Variants in EXOC6B observed in about 807,000 individuals in gnomAD.
EXOC6B encodes SEC15 homolog B.
Under a neutral mutation model 113.5 loss-of-function variants are expected in EXOC6B, and 54 were observed. The ratio of observed to expected loss-of-function variants is 0.48; its 90% CI spans 0.38 to 0.60. The LOEUF (loss-of-function observed/expected upper bound fraction) is 0.60. Ranked by LOEUF, EXOC6B falls within the 20% of genes least tolerant of loss-of-function variation. EXOC6B has a pLI of 0.00. For synonymous variants in EXOC6B, 357 were observed against 339.0 expected, an observed-to-expected ratio of 1.05 and a Z score of -0.58; for missense variants, 797 against 977.5, an observed-to-expected ratio of 0.82 and a Z score of 2.46.
At chr2:72,606,328 T>C (rs939702484) in intron 6 of EXOC6B, among the ~76,000 whole-genome samples, 9 of 152,124 alleles carry the variant, frequency 5.9e-5, no homozygotes, top group South Asian at 2.1e-4. Flanking sequence ...TATATACATA[T>C]GCCATAAGTT....
chr2:72,544,728 C>T (rs1374374125), intron 8 of EXOC6B, among the ~76,000 whole-genome samples: 1 of 152,110 alleles, frequency 6.6e-6, no homozygotes, highest in Non-Finnish European at 1.5e-5. Flanking sequence ...CCTACAAATA[C>T]AGCTCCAGAA....
intron 1 of EXOC6B, among the ~76,000 whole-genome samples, chr2:72,743,116 A>G (rs186440566): frequency 1.2e-4 from 18 of 152,232 alleles, no homozygotes; most frequent in South Asian, 2.1e-4. Flanking sequence ...CAATACATTA[A>G]TAAGTCCTGA....
chr2:72,339,859 C>T (rs1450862079), intron 19 of EXOC6B, among the ~76,000 whole-genome samples: 1 of 152,122 alleles, frequency 6.6e-6, no homozygotes, highest in Non-Finnish European at 1.5e-5. Context: ...CACTAATATA[C>T]TTTACTTGCC....
rs1342138679 is a variant in EXOC6B, at chr2:72,176,264, A to G, written c.*3071T>C. 1.3e-5 allele frequency: 2 copies of G among 149,466 alleles called. No homozygotes were observed. Among genetic ancestry groups the G allele is most frequent in the African/African-American group, 4.9e-5 (2 of 40,762 alleles). The allele number at this position is 149,466 out of a possible 1,614,324, so 9.3% of individuals were successfully genotyped here. A position where few individuals can be genotyped will look rare whatever the true frequency, so the allele number is the denominator to read the frequency against. ...AAGTAATTGTGAATGCAGGCAAAAA[A>G]AAAAAAAACAAAAAGGAAGAAGAAG... On this transcript the variant is annotated 3_prime_UTR_variant, in exon 22 of 22. Transcript: ENST00000272427.
intron 1 of EXOC6B, among the ~76,000 whole-genome samples, chr2:72,743,047 C>T (rs1681430390): frequency 6.6e-6 from 1 of 152,208 alleles, no homozygotes. Flanking sequence ...TATACAATTG[C>T]CCAAGCCAAA....
At chr2:72,322,119 A>C (rs1687874462) in intron 20 of EXOC6B, among the ~76,000 whole-genome samples, 1 of 152,208 alleles carries the variant, frequency 6.6e-6, no homozygotes, top group South Asian at 2.1e-4. Flanking sequence ...ACAGTTGTAC[A>C]TGAATGTTCA....
intron 20 of EXOC6B, among the ~76,000 whole-genome samples, chr2:72,292,541 G>A (rs1023527142): frequency 2.6e-5 from 4 of 151,852 alleles, no homozygotes; most frequent in African/African-American, 9.7e-5. Flanking sequence ...CGCTTTGTGT[G>A]TGTGTGTGTG....
At chr2:72,655,916 T>A (rs1463033867) in intron 6 of EXOC6B, among the ~76,000 whole-genome samples, 1 of 152,088 alleles carries the variant, frequency 6.6e-6, no homozygotes, top group African/African-American at 2.4e-5. Flanking sequence ...ATAAATGAAG[T>A]TACAGACCAT....
rs185379982 is a variant in EXOC6B, at chr2:72,539,870, A to G, written c.915+19583T>C. Reference sequence around the variant, plus strand: ...GTGCAGGTTAGTTACATATGTATACATGTGCCATGCTGGTGTGCTGCACCC... The same window carrying G: ...GTGCAGGTTAGTTACATATGTATACGTGTGCCATGCTGGTGTGCTGCACCC... On this transcript the variant is annotated intron_variant, in intron 8 of 21. Coordinates refer to ENST00000272427, the MANE Select transcript of EXOC6B (RefSeq NM_015189.3). Among the ~76,000 whole-genome samples, 1,204 of 151,766 alleles carry G rather than the reference A, an allele frequency of 7.9e-3. 12 individuals are homozygous for G. The highest frequency in any genetic ancestry group is 0.011 in the Non-Finnish European group (745 of 67,896).
rs183007625 is a variant in EXOC6B at position 72,230,202 on chromosome 2, C to A, written c.2197-46015G>T. Reference sequence around the variant, plus strand: ...TCACTAAAATTTAACTCCGCGTGTCCCAAATTTATTTACTATGGAACTCCT... The same window carrying A: ...TCACTAAAATTTAACTCCGCGTGTCACAAATTTATTTACTATGGAACTCCT... On this transcript the variant is annotated intron_variant, in intron 20 of 21. Coordinates refer to ENST00000272427, the MANE Select transcript of EXOC6B (RefSeq NM_015189.3). Among the ~76,000 whole-genome samples, 120 of 152,126 alleles carry A rather than the reference C, an allele frequency of 7.9e-4. 1 individual carries two copies. Among genetic ancestry groups the A allele is most frequent in the Non-Finnish European group, 2.1e-4 (14 of 67,984 alleles).
chr2:72,398,469 G>C (rs1003401277), intron 18 of EXOC6B, among the ~76,000 whole-genome samples: 6 of 152,060 alleles, frequency 3.9e-5, no homozygotes, highest in Non-Finnish European at 8.8e-5. Context: ...GGCCAAGGCA[G>C]GTGGATCACT....
In EXOC6B at chr2:72,310,450, C is replaced by G. The variant is rs773301494; in HGVS notation, c.2196+24497G>C. On this transcript the variant is annotated intron_variant, in intron 20 of 21. Transcript: ENST00000272427. ...TTGCATGCTTTCCTTGAAGAAATGTCTATTCAAATCCCTTGCCTTTATTTA... is the reference window on the plus strand; with the variant it reads ...TTGCATGCTTTCCTTGAAGAAATGTGTATTCAAATCCCTTGCCTTTATTTA... 2.1e-4 allele frequency among the ~76,000 whole-genome samples: 32 copies of G among 152,094 alleles called. 1 individual carries two copies. The highest frequency in any genetic ancestry group is 4.1e-4 in the Non-Finnish European group (28 of 67,994).
chr2:72,552,724 T>C lies in EXOC6B; in HGVS notation c.915+6729A>G, dbSNP rs1006375715. On this transcript the variant is annotated intron_variant, in intron 8 of 21. Transcript: ENST00000272427. ...GTTTATCTAATAAACACAAGGATAT[T>C]AATATCAAAAAAAATCTATCAATGA... 2.6e-5 allele frequency among the ~76,000 whole-genome samples: 4 copies of C among 152,072 alleles called. No individual in the cohort carries two copies. In the South Asian group the frequency reaches 8.3e-4, roughly 32 times the overall value.
At chr2:72,464,894 T>A in intron 18 of EXOC6B, 1 of 467,180 alleles carries the variant, frequency 2.1e-6, no homozygotes, top group Non-Finnish European at 3.7e-6. Context: ...TTTTATATTG[T>A]CTTTGTACTA....
intron 6 of EXOC6B, among the ~76,000 whole-genome samples, chr2:72,654,507 T>C (rs921458180): frequency 6.6e-6 from 1 of 152,200 alleles, no homozygotes; most frequent in African/African-American, 2.4e-5. Flanking sequence ...TCAAAACTGA[T>C]GTGTAGAGTT....
chr2:72,682,027 ATCTCTCTC>A (rs112745780), intron 6 of EXOC6B, among the ~76,000 whole-genome samples: 1 of 148,258 alleles, frequency 6.7e-6, no homozygotes, highest in Non-Finnish European at 1.5e-5. Context: ...AACTAATACA[ATCTCTCTC>A]TCTCTCTCTC....
At chr2:72,616,031 A>G (rs1449127234) in intron 6 of EXOC6B, among the ~76,000 whole-genome samples, 1 of 152,190 alleles carries the variant, frequency 6.6e-6, no homozygotes, top group Non-Finnish European at 1.5e-5. Flanking sequence ...TTATAAAATA[A>G]GCATATAAAA....
chr2:72,457,014 A>G (rs889173320), intron 18 of EXOC6B, among the ~76,000 whole-genome samples: 177 of 136,660 alleles, frequency 1.3e-3, no homozygotes, highest in African/African-American at 4.5e-3. Flanking sequence ...ATGGGGGGGA[A>G]AAAAAAAAAA....
At chr2:72,745,115 A>C (rs1317573214) in intron 1 of EXOC6B, among the ~76,000 whole-genome samples, 1 of 152,170 alleles carries the variant, frequency 6.6e-6, no homozygotes, top group African/African-American at 2.4e-5. Context: ...CAACAATGCT[A>C]AGATCATACA....
Sources: allele counts gnomAD v4.1 joint callset (sites outside exome capture counted in the v4.1 genomes callset), GRCh38; gene constraint gnomAD v4.1.1; transcripts MANE v1.5; gene names NCBI Gene and HGNC (gene_info 2026-07-23, HGNC 2026-07-21).